The following ANXA8 variants were observed in gnomAD, a reference collection of about 807,000 sequenced individuals.
ANXA8 encodes VAC-beta.
Under a neutral mutation model 26.8 loss-of-function variants are expected in ANXA8, and 9 were observed. The observed-to-expected ratio is 0.34, with a 90% CI of 0.20 to 0.59. ANXA8 has a LOEUF of 0.59. ANXA8 is among the 20% of genes least tolerant of loss of function. The pLI is 0.84. For synonymous variants in ANXA8, 39 were observed against 94.8 expected (o/e 0.41, Z 3.42); for missense variants, 83 against 238.5 (o/e 0.35, Z 4.29).
At chr10:47,704,244 G>A in the ANXA8 span, among the ~76,000 whole-genome samples, 4 of 143,928 alleles carry the variant, frequency 2.8e-5, no homozygotes, top group Non-Finnish European at 6.2e-5. Context: ...GGAATATAAG[G>A]GAACTCTGTA....
chr10:47,498,333 C>T, the ANXA8 span, among the ~76,000 whole-genome samples: 1 of 145,926 alleles, frequency 6.9e-6, no homozygotes, highest in Non-Finnish European at 1.5e-5. Context: ...GTTAGAATTT[C>T]CTTCCTTTTT....
At chr10:47,555,024 T>C in the ANXA8 span, among the ~76,000 whole-genome samples, 1 of 151,072 alleles carries the variant, frequency 6.6e-6, no homozygotes, top group Non-Finnish European at 1.5e-5. Context: ...ACTGCAACCC[T>C]CACAGTATCC....
chr10:47,522,215 C>T, the ANXA8 span, among the ~76,000 whole-genome samples: 1 of 141,750 alleles, frequency 7.1e-6, no homozygotes, highest in Non-Finnish European at 1.5e-5. Flanking sequence ...TTATATTACA[C>T]ATTAAAAGTC....
At chr10:47,580,881 C>T in the ANXA8 span, among the ~76,000 whole-genome samples, 1 of 149,690 alleles carries the variant, frequency 6.7e-6, no homozygotes, top group Non-Finnish European at 1.5e-5. Flanking sequence ...TCAAGACCAG[C>T]CTGACCAACG....
chr10:47,742,990 TA>T, the ANXA8 span, among the ~76,000 whole-genome samples: 26,162 of 91,378 alleles, frequency 0.29, 1,244 homozygotes, highest in East Asian at 0.43. Context: ...CCGTCTCTAC[TA>T]AAAAAAAAAA....
the ANXA8 span, chr10:47,589,642 G>T: frequency 2.1e-5 from 3 of 146,086 alleles, no homozygotes; most frequent in East Asian, 3.9e-4. Flanking sequence ...CAGATGCTGT[G>T]TGATTTTGTA....
the ANXA8 span, among the ~76,000 whole-genome samples, chr10:47,525,337 C>T: frequency 7.8e-5 from 11 of 140,170 alleles, no homozygotes; most frequent in African/African-American, 1.9e-4. Flanking sequence ...ACTCAAGAGG[C>T]AGAGACTGCA....
the ANXA8 span, chr10:47,750,730 G>T: frequency 7.1e-6 from 1 of 141,788 alleles, no homozygotes; most frequent in Non-Finnish European, 1.5e-5. Context: ...GAGCCACTGA[G>T]CTCGACTTAA....
the ANXA8 span, among the ~76,000 whole-genome samples, chr10:47,778,688 G>A: frequency 4.6e-5 from 7 of 151,938 alleles, no homozygotes; most frequent in Admixed American, 6.5e-5. Context: ...CCATAAAGGC[G>A]CCTTTGAAAT....
At chr10:47,943,586 G>T in the ANXA8 span, among the ~76,000 whole-genome samples, 2 of 150,194 alleles carry the variant, frequency 1.3e-5, no homozygotes, top group African/African-American at 5.0e-5. Flanking sequence ...TTCATCCTGA[G>T]CCGAGTCACT....
chr10:47,561,485 T>C, the ANXA8 span, among the ~76,000 whole-genome samples: 4 of 151,908 alleles, frequency 2.6e-5, no homozygotes, highest in African/African-American at 4.8e-5. Flanking sequence ...TCCTGTCTAA[T>C]TGAGGCTTTG....
chr10:47,487,428 T>G (rs1588938026), upstream of ANXA8: 27 of 1,041,394 alleles, frequency 2.6e-5, 2 homozygotes, highest in South Asian at 4.1e-4. Flanking sequence ...AGAGGAAGAA[T>G]GTCCTAGTGA....
the ANXA8 span, among the ~76,000 whole-genome samples, chr10:47,496,975 TTAGGAGAA>T: frequency 2.1e-5 from 3 of 146,126 alleles, no homozygotes; most frequent in Admixed American, 6.9e-5. Context: ...GGGAAAGATC[TTAGGAGAA>T]ATACTTGGAG....
At chr10:47,689,219 G>A in the ANXA8 span, among the ~76,000 whole-genome samples, 1 of 151,432 alleles carries the variant, frequency 6.6e-6, no homozygotes, top group Non-Finnish European at 1.5e-5. Flanking sequence ...TCACTCTGTT[G>A]CCCAGGCTAG....
the ANXA8 span, among the ~76,000 whole-genome samples, chr10:47,718,161 G>A: frequency 1.3e-5 from 2 of 152,292 alleles, no homozygotes; most frequent in African/African-American, 2.4e-5. Flanking sequence ...AATAAAAATC[G>A]AAATTTTTTT....
the ANXA8 span, among the ~76,000 whole-genome samples, chr10:47,777,001 T>G: frequency 6.6e-6 from 1 of 151,928 alleles, no homozygotes; most frequent in African/African-American, 2.4e-5. Context: ...TGGTTAAAAG[T>G]GTCACCTCTC....
chr10:47,650,376 C>T, the ANXA8 span, among the ~76,000 whole-genome samples: 1 of 148,562 alleles, frequency 6.7e-6, no homozygotes, highest in African/African-American at 2.5e-5. Context: ...TTTCAAAGGA[C>T]ATCATTAAGA....
At chr10:47,618,895 C>A in the ANXA8 span, among the ~76,000 whole-genome samples, 24 of 115,046 alleles carry the variant, frequency 2.1e-4, no homozygotes, top group Non-Finnish European at 7.7e-5. Flanking sequence ...TTATTTTAAC[C>A]TTTCTTTGAT....
the ANXA8 span, among the ~76,000 whole-genome samples, chr10:47,519,524 G>A: frequency 4.2e-4 from 43 of 102,588 alleles, no homozygotes; most frequent in Non-Finnish European, 9.5e-5. Context: ...CTCTTTCACC[G>A]TGTGGAACCA....
Sources: gnomAD v4.1 joint callset for allele counts (sites outside exome capture counted in the v4.1 genomes callset) on GRCh38, gnomAD v4.1.1 for gene constraint, MANE v1.5 for transcripts, NCBI Gene and HGNC (gene_info 2026-07-23, HGNC 2026-07-21) for gene names.